Variants in MYH9 observed in about 807,000 individuals in gnomAD.
MYH9 encodes myosin-9.
Under a neutral mutation model 241.9 loss-of-function variants are expected in MYH9, and 29 were observed. The ratio of observed to expected loss-of-function variants is 0.12; its 90% confidence interval spans 0.09 to 0.16. The LOEUF (loss-of-function observed/expected upper bound fraction) is 0.16, where lower values mean the gene tolerates loss of function less well. Ranked by LOEUF, MYH9 falls within the 10% of genes least tolerant of loss-of-function variation. MYH9 has a pLI of 1.00. For synonymous variants in MYH9, 1,047 were observed against 1,062.6 expected (o/e 0.99, Z 0.29); for missense variants, 1,803 against 2,595.5 (o/e 0.69, Z 6.63).
chr22:36,327,589 C>A, intron 3 of MYH9, 101 bp from the exon 4 acceptor site: 1 of 1,358,344 alleles, frequency 7.4e-7, no homozygotes, highest in Non-Finnish European at 1.0e-6. Flanking sequence ...AGCACAGTGT[C>A]ACAGATGCTG....
intron 9 of MYH9, 103 bp from the exon 10 acceptor site, chr22:36,319,738 C>T: frequency 8.7e-7 from 1 of 1,154,870 alleles, no homozygotes; most frequent in Non-Finnish European, 1.3e-6. Context: ...ACAAGCCAAG[C>T]AGGGACACCC....
intron 1 of MYH9, among the ~76,000 whole-genome samples, chr22:36,374,363 T>C (rs984302025): frequency 2.6e-5 from 4 of 152,112 alleles, no homozygotes; most frequent in Non-Finnish European, 5.9e-5. Context: ...CTACTAAAAA[T>C]ACAAAAATTA....
rs2016630972 is a variant in MYH9 at position 36,288,655 on chromosome 22, G to C, written c.4770+72C>G. On this transcript the variant is annotated intron_variant, in intron 33 of 40. Coordinates refer to ENST00000216181, the MANE Select transcript of MYH9 (RefSeq NM_002473.6). This position sits in a 1 kb window ranked among gnomAD's most constrained non-coding sequence, Gnocchi z 4.8. ...GGGCCCTAACACAATCCAGGTGGAAGGAGAGAACAGAAGCCTGCGTGAAGC... is the reference window on the plus strand; with the variant it reads ...GGGCCCTAACACAATCCAGGTGGAACGAGAGAACAGAAGCCTGCGTGAAGC... 1 of 1,557,506 alleles carries C rather than the reference G, an allele frequency of 6.4e-7. No individual in the cohort carries two copies. The highest frequency in any genetic ancestry group is 1.7e-5 in the Admixed American group (1 of 59,966).
chr22:36,299,101 C>T lies in MYH9; in HGVS notation c.2977-59G>A, dbSNP rs2016834368. The T allele has an allele frequency of 3.1e-6, 5 of 1,610,194 alleles. No individual in the cohort carries two copies. The East Asian group carries it at 8.9e-5, about 29-fold the overall frequency. On this transcript the variant is annotated intron_variant, in intron 23 of 40. Transcript: ENST00000216181. ...TGGTTGAGCACAGAACACTTGCTAGCCTCAAAGCATGACTCGCCCGGAAAT... is the reference window on the plus strand; with the variant it reads ...TGGTTGAGCACAGAACACTTGCTAGTCTCAAAGCATGACTCGCCCGGAAAT...
At chr22:36,299,976 G>C (rs1323415951) in intron 23 of MYH9, 151 bp downstream of exon 23, 2 of 1,120,864 alleles carry the variant, frequency 1.8e-6, no homozygotes, top group Non-Finnish European at 2.6e-6. Context: ...GGGACCTCCA[G>C]GGAGCACTTG....
At chr22:36,315,685 C>G (rs1359720376) in intron 12 of MYH9, among the ~76,000 whole-genome samples, 2 of 151,988 alleles carry the variant, frequency 1.3e-5, no homozygotes, top group Non-Finnish European at 2.9e-5. Flanking sequence ...GAGGTCGAAG[C>G]TGCAGTGAGC....
intron 2 of MYH9, 63 bp downstream of exon 2, chr22:36,348,841 G>A (rs1262859568): frequency 2.5e-4 from 264 of 1,041,538 alleles, no homozygotes; most frequent in South Asian, 1.6e-3. Flanking sequence ...GGGAAGACCC[G>A]CCCCCCCCCC....
At chr22:36,283,703 CACT>C (rs1452554495) in intron 40 of MYH9, among the ~76,000 whole-genome samples, 1 of 152,184 alleles carries the variant, frequency 6.6e-6, no homozygotes, top group Non-Finnish European at 1.5e-5. Context: ...TTCAAACATT[CACT>C]ACTTCTTGAG....
intron 1 of MYH9, among the ~76,000 whole-genome samples, chr22:36,353,055 G>A (rs909103562): frequency 6.6e-6 from 1 of 152,152 alleles, no homozygotes; most frequent in African/African-American, 2.4e-5. Flanking sequence ...GAGCCACAGG[G>A]CTGCAGCAGA....
chr22:36,305,106 A>G lies in MYH9; in HGVS notation c.2160-4T>C. The G allele has an allele frequency of 1.2e-6, 2 of 1,612,776 alleles. No individual in the cohort carries two copies. The highest frequency in any genetic ancestry group is 1.7e-6 in the Non-Finnish European group (2 of 1,178,770). ...GTTTGGAGTCAGGATCTCATATCTGAGGAAGGAAAGAGAAGCCTGGTCATT... is the reference window on the plus strand; with the variant it reads ...GTTTGGAGTCAGGATCTCATATCTGGGGAAGGAAAGAGAAGCCTGGTCATT... On this transcript the variant is annotated splice_region_variant and splice_polypyrimidine_tract_variant and intron_variant, in intron 17 of 40. Transcript: ENST00000216181. This position sits in a 1 kb window ranked among gnomAD's most constrained non-coding sequence, Gnocchi z 4.7.
At chr22:36,360,263 T>C (rs2017917871) in intron 1 of MYH9, among the ~76,000 whole-genome samples, 1 of 152,086 alleles carries the variant, frequency 6.6e-6, no homozygotes, top group South Asian at 2.1e-4. Flanking sequence ...TATCCATCCA[T>C]AGAGGACAGT....
At position 36,300,102 on chromosome 22, in the gene MYH9, G is replaced by A. The variant is rs191308252; in HGVS notation, c.2976+25C>T. ...CCATCCACGGCGCCCCTGGAGCAGC[G>A]GCAGGCGACAGCCACGGGCCTCACC... On this transcript the variant is annotated intron_variant, in intron 23 of 40. Coordinates refer to ENST00000216181, the MANE Select transcript of MYH9 (RefSeq NM_002473.6). This position sits in a 1 kb window ranked among gnomAD's most constrained non-coding sequence, Gnocchi z 5.0. The A allele has an allele frequency of 2.8e-4, 455 of 1,607,478 alleles. 2 individuals carry two copies. In the East Asian group the frequency reaches 5.8e-3, roughly 21 times the overall value.
At chr22:36,375,431 T>C (rs900709089) in intron 1 of MYH9, among the ~76,000 whole-genome samples, 5 of 152,200 alleles carry the variant, frequency 3.3e-5, no homozygotes, top group Admixed American at 2.0e-4. Context: ...CCGCTGTGGG[T>C]TGCCAACTGC....
Position 36,293,659 on chromosome 22 carries a change from G to A in MYH9, c.3942+100C>T. ...CACCCACAGGATGAAGCAGATGAAG[G>A]AGAGGATGGGCAATCCGATGGGCTC... is the stretch of plus-strand genomic sequence containing the variant. On this transcript the variant is annotated intron_variant, in intron 29 of 40. Coordinates refer to ENST00000216181, the MANE Select transcript of MYH9 (RefSeq NM_002473.6). The surrounding 1 kb of genome is among the most constrained non-coding windows in gnomAD (Gnocchi z 5.1). The A allele has an allele frequency of 2.2e-6, 3 of 1,334,774 alleles. No individual in the cohort carries two copies. In the South Asian group the frequency reaches 3.6e-5, roughly 16 times the overall value. 82.7% of individuals were successfully genotyped at this position (1,334,774 alleles called of 1,614,324 possible).
At position 36,282,698 on chromosome 22, in the gene MYH9, C is replaced by T. The variant is rs746116612; in HGVS notation, c.5853G>A (p.Ala1951=). 58 of 1,613,934 alleles carry T rather than the reference C, an allele frequency of 3.6e-5. No individual in the cohort carries two copies. The highest frequency in any genetic ancestry group is 4.6e-5 in the Non-Finnish European group (54 of 1,180,050). Residue 1951 remains alanine (A), a synonymous_variant, in exon 41 of 41, where the codon GCG becomes GCA. Coordinates refer to ENST00000216181, the MANE Select transcript of MYH9 (RefSeq NM_002473.6). ...DGSDEEVDGK[A]DGAEAKPAE ...CGGCAGGTTTGGCCTCAGCCCCATC[C>T]GCTTTGCCATCTACCTCTTCGTCGG...
chr22:36,345,431 G>T (rs1490146505), intron 2 of MYH9, among the ~76,000 whole-genome samples: 2 of 151,842 alleles, frequency 1.3e-5, no homozygotes, highest in African/African-American at 4.9e-5. Flanking sequence ...GGTCCTCGAG[G>T]CTCCAACTAT....
At chr22:36,383,575 C>T (rs1409019699) in intron 1 of MYH9, among the ~76,000 whole-genome samples, 3 of 151,888 alleles carry the variant, frequency 2.0e-5, no homozygotes, top group Non-Finnish European at 4.4e-5. Context: ...GAGCTAGAAG[C>T]CAGGAAAACA....
intron 1 of MYH9, among the ~76,000 whole-genome samples, chr22:36,367,691 C>T (rs1001961162): frequency 2.6e-5 from 4 of 152,218 alleles, no homozygotes; most frequent in African/African-American, 9.6e-5. Context: ...CTACCGCTTA[C>T]TTTACCACTC....
intron 40 of MYH9, 25 bp downstream of exon 40, chr22:36,284,068 G>C (rs759089044): frequency 1.2e-6 from 2 of 1,613,830 alleles, no homozygotes; most frequent in Non-Finnish European, 1.7e-6. Context: ...CCGAGGCAAA[G>C]GGGCGGGTGG....
Sources: gnomAD v4.1 joint callset for allele counts (sites outside exome capture counted in the v4.1 genomes callset) on GRCh38, gnomAD v4.1.1 for gene constraint, Gnocchi (gnomAD v3.1) non-coding constraint, MANE v1.5 for transcripts, NCBI Gene and HGNC (gene_info 2026-07-23, HGNC 2026-07-21) for gene names.